Variants in ARID5B observed in about 807,000 individuals in gnomAD.
ARID5B encodes the protein AT-rich interactive domain-containing protein 5B.
ARID5B carries 13 observed loss-of-function variants against 97.2 expected under a neutral mutation model. The observed-to-expected ratio is 0.13, with a 90% CI of 0.09 to 0.21. The LOEUF is 0.21. ARID5B is among the 10% of genes least tolerant of loss of function. The pLI is 1.00. For missense variants in ARID5B, 1,210 were observed against 1,465.3 expected (o/e 0.83, Z 2.84); for synonymous variants, 556 against 570.3 (o/e 0.97, Z 0.36).
Position 61,918,625 on chromosome 10 carries a change from C to G in ARID5B, c.276+16212C>G, listed in dbSNP as rs1259559140. On this transcript the variant is annotated intron_variant, in intron 2 of 9. Coordinates refer to ENST00000279873, the MANE Select transcript of ARID5B (RefSeq NM_032199.3). ...AAACTTCCTGGTTTTTCATTTACCCCAAAAGACTTCTCTTGTGTTTAGGTT... is the reference window on the plus strand; with the variant it reads ...AAACTTCCTGGTTTTTCATTTACCCGAAAAGACTTCTCTTGTGTTTAGGTT... Among the ~76,000 whole-genome samples the G allele has an allele frequency of 2.0e-5, 3 of 152,142 alleles. No individual in the cohort carries two copies. In the East Asian group the frequency reaches 5.8e-4, roughly 29 times the overall value.
intron 2 of ARID5B, among the ~76,000 whole-genome samples, chr10:61,906,149 G>C (rs1843703964): frequency 6.6e-6 from 1 of 152,022 alleles, no homozygotes; most frequent in East Asian, 1.9e-4. Flanking sequence ...ATACTATAAA[G>C]TACTTAAATA....
At chr10:61,942,937 C>G (rs1844437414) in intron 3 of ARID5B, among the ~76,000 whole-genome samples, 1 of 152,072 alleles carries the variant, frequency 6.6e-6, no homozygotes, top group Non-Finnish European at 1.5e-5. Flanking sequence ...TTGGGAGGCT[C>G]TCTCCTGGGG....
At chr10:61,952,950 G>C (rs923579974) in intron 3 of ARID5B, among the ~76,000 whole-genome samples, 8 of 151,926 alleles carry the variant, frequency 5.3e-5, no homozygotes, top group Non-Finnish European at 1.2e-4. Context: ...TCATAGTAGT[G>C]ACAAAAATAT....
chr10:61,975,075 G>A (rs1005343041), intron 3 of ARID5B, among the ~76,000 whole-genome samples: 1 of 151,914 alleles, frequency 6.6e-6, no homozygotes, highest in Non-Finnish European at 1.5e-5. Context: ...TACTTTGCCT[G>A]AAACAACATT....
intron 2 of ARID5B, among the ~76,000 whole-genome samples, chr10:61,929,994 G>T (rs1412603388): frequency 6.6e-6 from 1 of 152,202 alleles, no homozygotes; most frequent in Non-Finnish European, 1.5e-5. Context: ...TGACTCTGAG[G>T]CATCCAAATT....
chr10:61,953,894 G>A (rs1171765473), intron 3 of ARID5B, among the ~76,000 whole-genome samples: 1 of 152,102 alleles, frequency 6.6e-6, no homozygotes, highest in African/African-American at 2.4e-5. Context: ...GTGAGTAGAT[G>A]CAACATAAAA....
chr10:61,936,075 G>T (rs976110048), intron 2 of ARID5B, among the ~76,000 whole-genome samples: 1 of 152,128 alleles, frequency 6.6e-6, no homozygotes, highest in Non-Finnish European at 1.5e-5. Context: ...AGAGATTCCC[G>T]AGGGTTTCTG....
Position 62,092,141 on chromosome 10 carries a change from AGTC to A in ARID5B, c.2680_2682del (p.Ser894del), listed in dbSNP as rs1840387499. 1.9e-6 allele frequency: 3 copies of A among 1,607,672 alleles called. No homozygotes were observed. The highest frequency in any genetic ancestry group is 2.5e-6 in the Non-Finnish European group (3 of 1,177,748). ...ACGTCCCTGCACCTGCAAGACAAAA[AGTC>A]GGCGGCAGCAGAAGCCCCTACGGAT... is the stretch of plus-strand genomic sequence containing the variant. On this transcript the variant is annotated inframe_deletion, in exon 10 of 10. Coordinates refer to ENST00000279873, the MANE Select transcript of ARID5B (RefSeq NM_032199.3).
intron 8 of ARID5B, among the ~76,000 whole-genome samples, chr10:62,076,370 G>T (rs908252406): frequency 6.6e-6 from 1 of 151,942 alleles, no homozygotes; most frequent in Non-Finnish European, 1.5e-5. Flanking sequence ...GTAAAACCCT[G>T]CCTCTACTAA....
intron 2 of ARID5B, among the ~76,000 whole-genome samples, chr10:61,937,421 G>A (rs933631590): frequency 6.6e-6 from 1 of 152,128 alleles, no homozygotes; most frequent in Non-Finnish European, 1.5e-5. Flanking sequence ...GATTAAATGA[G>A]CTGTTTTTGG....
intron 4 of ARID5B, among the ~76,000 whole-genome samples, chr10:62,031,079 C>CA (rs1455897305): frequency 2.0e-5 from 3 of 152,104 alleles, no homozygotes; most frequent in African/African-American, 4.8e-5. Flanking sequence ...ACTAAAAATA[C>CA]AAAAATTAGC....
At chr10:61,981,528 C>T (rs776640023) in intron 3 of ARID5B, among the ~76,000 whole-genome samples, 10 of 152,064 alleles carry the variant, frequency 6.6e-5, no homozygotes, top group South Asian at 4.1e-4. Flanking sequence ...GTGATCCACC[C>T]GACTCAGCCT....
rs1019745447 is a variant in ARID5B at position 62,071,998 on chromosome 10, G to T, written c.1199+2201G>T. On this transcript the variant is annotated intron_variant, in intron 8 of 9. Transcript: ENST00000279873. ...CACCATAGGCAGTTGCTTAAACAGG[G>T]GTTGGTGTGAGGCACTAAGTTAACA... 7.2e-5 allele frequency among the ~76,000 whole-genome samples: 11 copies of T among 152,296 alleles called. No homozygotes were observed. The South Asian group carries it at 1.0e-3, about 14-fold the overall frequency.
chr10:62,022,509 G>A (rs1444270845), intron 4 of ARID5B, among the ~76,000 whole-genome samples: 3 of 152,302 alleles, frequency 2.0e-5, no homozygotes, highest in East Asian at 3.9e-4. Context: ...CAGTCGGTGA[G>A]GTAGAGAGCT....
chr10:61,918,410 C>A (rs1184239146), intron 2 of ARID5B, among the ~76,000 whole-genome samples: 1 of 152,136 alleles, frequency 6.6e-6, no homozygotes, highest in East Asian at 1.9e-4. Context: ...AAACCATGAC[C>A]TGGCTTATCC....
intron 2 of ARID5B, among the ~76,000 whole-genome samples, chr10:61,929,659 C>A (rs1341283668): frequency 1.3e-5 from 2 of 152,148 alleles, no homozygotes; most frequent in Non-Finnish European, 2.9e-5. Context: ...GCTCCTTTTT[C>A]TCCTGAGCAA....
intron 4 of ARID5B, among the ~76,000 whole-genome samples, chr10:62,037,606 C>A (rs908047369): frequency 2.0e-5 from 3 of 152,250 alleles, no homozygotes; most frequent in South Asian, 4.1e-4. Context: ...GTGTAAACGC[C>A]CTGTGCTTAA....
At chr10:61,932,764 A>T (rs145926926) in intron 2 of ARID5B, among the ~76,000 whole-genome samples, 137 of 152,178 alleles carry the variant, frequency 9.0e-4, no homozygotes, top group African/African-American at 3.3e-3. Flanking sequence ...AACCCTCTCA[A>T]ACCCTGCCAC....
At chr10:61,953,343 T>C (rs1307964017) in intron 3 of ARID5B, among the ~76,000 whole-genome samples, 1 of 152,224 alleles carries the variant, frequency 6.6e-6, no homozygotes, top group Non-Finnish European at 1.5e-5. Flanking sequence ...TATACTTTTC[T>C]AGCAGAGAAA....
Sources: allele counts gnomAD v4.1 joint callset (sites outside exome capture counted in the v4.1 genomes callset), GRCh38; gene constraint gnomAD v4.1.1; transcripts MANE v1.5; gene names NCBI Gene and HGNC (gene_info 2026-07-23, HGNC 2026-07-21).